STXBP5L: variants seen among roughly 807,000 people sequenced by gnomAD.
STXBP5L encodes syntaxin binding protein 5L.
STXBP5L carries 65 observed loss-of-function variants against 144.5 expected under a neutral mutation model. The ratio of observed to expected loss-of-function variants is 0.45; its 90% CI spans 0.37 to 0.55. STXBP5L has a LOEUF of 0.55. Ranked by LOEUF, STXBP5L falls within the 20% of genes least tolerant of loss-of-function variation. The pLI, the probability that STXBP5L is intolerant of heterozygous loss-of-function variation, is 0.00. For synonymous variants in STXBP5L, 505 were observed against 469.6 expected (o/e 1.08, Z -0.97); for missense variants, 1,298 against 1,405.5 (o/e 0.92, Z 1.22).
intron 18 of STXBP5L, among the ~76,000 whole-genome samples, chr3:121,263,406 C>T (rs2050449065): frequency 1.3e-5 from 2 of 152,092 alleles, no homozygotes; most frequent in African/African-American, 4.8e-5. Flanking sequence ...ACAAGAAAGC[C>T]TCTTCTCCTC....
At chr3:120,978,253 C>CT (rs1300662171) in intron 3 of STXBP5L, among the ~76,000 whole-genome samples, 1 of 152,108 alleles carries the variant, frequency 6.6e-6, no homozygotes, top group African/African-American at 2.4e-5. Context: ...TCTTTTTATT[C>CT]TTTTTTCTCT....
At position 121,331,977 on chromosome 3, in the gene STXBP5L, A is replaced by C. The variant is rs930429193; in HGVS notation, c.2176+13437A>C. ...ATCATACAAAGACTTTCTATAACCAAGAAACTCATACAGAGTCTTCACCTC... is the reference window on the plus strand; with the variant it reads ...ATCATACAAAGACTTTCTATAACCACGAAACTCATACAGAGTCTTCACCTC... On this transcript the variant is annotated intron_variant, in intron 20 of 26. Coordinates refer to ENST00000471454, the MANE Select transcript of STXBP5L (RefSeq NM_001308330.2). 2.7e-5 allele frequency among the ~76,000 whole-genome samples: 4 copies of C among 149,338 alleles called. No individual in the cohort carries two copies. The Admixed American group carries it at 2.7e-4, about 10-fold the overall frequency.
intron 2 of STXBP5L, among the ~76,000 whole-genome samples, chr3:120,945,298 A>G (rs1423475603): frequency 6.6e-6 from 1 of 151,798 alleles, no homozygotes; most frequent in East Asian, 1.9e-4. Context: ...TTACTGGCAA[A>G]TCTTCTACCT....
At chr3:121,078,160 A>G (rs1035494404) in intron 5 of STXBP5L, among the ~76,000 whole-genome samples, 4 of 151,954 alleles carry the variant, frequency 2.6e-5, no homozygotes, top group African/African-American at 7.3e-5. Context: ...TGGTGCATTC[A>G]CAAACCCTGA....
At chr3:121,287,856 A>C (rs2051286983) in intron 19 of STXBP5L, among the ~76,000 whole-genome samples, 1 of 152,198 alleles carries the variant, frequency 6.6e-6, no homozygotes, top group South Asian at 2.1e-4. Context: ...CACACATGGA[A>C]AACCAGAAAA....
chr3:121,300,404 ACT>A (rs1245106494), intron 19 of STXBP5L, among the ~76,000 whole-genome samples: 1 of 152,148 alleles, frequency 6.6e-6, no homozygotes, highest in Non-Finnish European at 1.5e-5. Flanking sequence ...CTTTCCGTAA[ACT>A]CTGTGTTACT....
rs543455979 is a variant in STXBP5L at position 120,952,891 on chromosome 3, C to T, written c.190-2049C>T. 2.6e-5 allele frequency among the ~76,000 whole-genome samples: 4 copies of T among 152,056 alleles called. No homozygotes were observed. The South Asian group carries it at 6.2e-4, about 24-fold the overall frequency. ...ATGGTTTACTGCAGCCTCAACCTCC[C>T]AGGCTCAAGTGATCCTCCTATCTAA... On this transcript the variant is annotated intron_variant, in intron 2 of 26. Coordinates refer to ENST00000471454, the MANE Select transcript of STXBP5L (RefSeq NM_001308330.2).
At chr3:121,049,974 G>A (rs1947835064) in intron 5 of STXBP5L, among the ~76,000 whole-genome samples, 1 of 152,116 alleles carries the variant, frequency 6.6e-6, no homozygotes, top group African/African-American at 2.4e-5. Flanking sequence ...CATGACAGAA[G>A]TGTGAATCCC....
chr3:121,168,212 C>T (rs895990647), intron 9 of STXBP5L, among the ~76,000 whole-genome samples: 1 of 152,092 alleles, frequency 6.6e-6, no homozygotes, highest in Admixed American at 6.5e-5. Context: ...TAGATAAATC[C>T]ATGAAGATGG....
chr3:121,292,931 G>A lies in STXBP5L; in HGVS notation c.2110+12975G>A, dbSNP rs1031758800. On this transcript the variant is annotated intron_variant, in intron 19 of 26. Transcript: ENST00000471454. ...GATAAAAGATGACACATTGGGTACA[G>A]TGCACACTGCTTGGTTATGGGTGCA... 2.6e-5 allele frequency among the ~76,000 whole-genome samples: 4 copies of A among 152,130 alleles called. No individual in the cohort carries two copies. The East Asian group carries it at 7.7e-4, about 29-fold the overall frequency.
At chr3:121,133,195 C>A (rs2045078131) in intron 7 of STXBP5L, among the ~76,000 whole-genome samples, 2 of 152,062 alleles carry the variant, frequency 1.3e-5, no homozygotes, top group African/African-American at 2.4e-5. Context: ...CATGACAAGA[C>A]CCTGATTTTA....
chr3:121,159,575 C>T (rs1249124366), intron 9 of STXBP5L, among the ~76,000 whole-genome samples: 1 of 151,346 alleles, frequency 6.6e-6, no homozygotes, highest in Non-Finnish European at 1.5e-5. Context: ...ATAATCAGTG[C>T]AGAGCCAATT....
chr3:121,058,705 T>C (rs1203688972), intron 5 of STXBP5L, among the ~76,000 whole-genome samples: 1 of 152,248 alleles, frequency 6.6e-6, no homozygotes, highest in Non-Finnish European at 1.5e-5. Context: ...GTGGTTTTGA[T>C]TTGCATTTCT....
At chr3:121,412,727 C>CAAAAAAAAAAAAAAAAAAAAAAAAAAAA (rs35247157) in intron 23 of STXBP5L, among the ~76,000 whole-genome samples, 28 of 69,610 alleles carry the variant, frequency 4.0e-4, no homozygotes, top group African/African-American at 5.4e-4. Flanking sequence ...TTTCTCCCTC[C>CAAAAAAAAAAAAAAAAAAAAAAAAAAAA]AAAAAAAAAA....
intron 3 of STXBP5L, among the ~76,000 whole-genome samples, chr3:121,011,478 G>A (rs1944770264): frequency 6.6e-6 from 1 of 151,628 alleles, no homozygotes; most frequent in Admixed American, 6.6e-5. Context: ...AATGGTATAA[G>A]GACAAGTGAT....
intron 9 of STXBP5L, among the ~76,000 whole-genome samples, chr3:121,159,627 CTTTTTTTTTTTTT>C (rs1161847567): frequency 8.2e-6 from 1 of 121,932 alleles, no homozygotes. Context: ...TGTACATTTT[CTTTTTTTTTTTTT>C]TTTTTTTGAG....
At chr3:121,159,923 C>T (rs577300914) in intron 9 of STXBP5L, among the ~76,000 whole-genome samples, 6 of 152,222 alleles carry the variant, frequency 3.9e-5, no homozygotes, top group Admixed American at 6.5e-5. Context: ...TGAGCCACCG[C>T]GCCCGGCCGA....
chr3:121,378,756 T>C lies in STXBP5L; in HGVS notation c.2217T>C (p.Ser739=), dbSNP rs770320096. Residue 739 remains serine, a synonymous_variant, in exon 21 of 27, where the codon AGT becomes AGC. Transcript: ENST00000471454. ...ACTGCACAAGTCCAACTTCTCAGAG[T>C]TGCAGTTCTGGAAAACGTCTTTCTA... ...NGHCTSPTSQ[S]CSSGKRLSSA... is the part of the protein sequence containing the mutation. The C allele has an allele frequency of 2.0e-5, 32 of 1,613,574 alleles. No individual in the cohort carries two copies. In the East Asian group the frequency reaches 6.0e-4, roughly 30 times the overall value.
chr3:121,347,338 CTGTT>C (rs747513563), intron 20 of STXBP5L, among the ~76,000 whole-genome samples: 35 of 152,146 alleles, frequency 2.3e-4, no homozygotes, highest in South Asian at 6.2e-4. Context: ...CAGTACCATG[CTGTT>C]TTGGTTACTG....
Sources: allele counts gnomAD v4.1 joint callset (sites outside exome capture counted in the v4.1 genomes callset), GRCh38; gene constraint gnomAD v4.1.1; transcripts MANE v1.5; gene names NCBI Gene and HGNC (gene_info 2026-07-23, HGNC 2026-07-21).